The following ZNF208 variants were observed in gnomAD, a reference collection of about 807,000 sequenced individuals.
The protein encoded by ZNF208 is zinc finger protein 95.
A neutral mutation model predicts 12.1 loss-of-function variants in ZNF208; 10 were observed. That is an observed-to-expected ratio of 0.83 (90% CI 0.51 to 1.40). The LOEUF (loss-of-function observed/expected upper bound fraction) is 1.40, where lower values mean the gene tolerates loss of function less well. ZNF208 is among the 40% of genes most tolerant of loss of function. The pLI, the probability that ZNF208 is intolerant of heterozygous loss-of-function variation, is 0.00. For missense variants in ZNF208, 1,652 were observed against 1,485.0 expected (o/e 1.11, Z -1.85); for synonymous variants, 497 against 488.4 (o/e 1.02, Z -0.23).
intron 1 of ZNF208, among the ~76,000 whole-genome samples, chr19:21,994,019 T>C (rs1414191337): frequency 1.3e-5 from 2 of 152,242 alleles, no homozygotes; most frequent in Non-Finnish European, 2.9e-5. Context: ...TGTTCAATAA[T>C]TCCAAGGCTT....
At chr19:21,977,496 C>T (rs1291668395) in intron 3 of ZNF208, among the ~76,000 whole-genome samples, 1 of 152,118 alleles carries the variant, frequency 6.6e-6, no homozygotes, top group Admixed American at 6.5e-5. Context: ...CCTCTCCTAG[C>T]CAAGGTAAGG....
In ZNF208 at chr19:21,983,924, A is replaced by T. The variant is rs535166718; in HGVS notation, c.226+3292T>A. 3.3e-5 allele frequency among the ~76,000 whole-genome samples: 5 copies of T among 152,196 alleles called. No homozygotes were observed. In the South Asian group the frequency reaches 1.0e-3, roughly 32 times the overall value. The stretch of plus-strand genomic sequence containing the variant: ...AGATAACGAGTTGATGGGTGCAGCA[A>T]ACCCCCATGGCACGTGTATACCTAT... On this transcript the variant is annotated intron_variant, in intron 3 of 3. Transcript: ENST00000397126.
chr19:21,951,671 G>C (rs1969890403), intron 4 of ZNF208, among the ~76,000 whole-genome samples: 1 of 152,194 alleles, frequency 6.6e-6, no homozygotes, highest in Non-Finnish European at 1.5e-5. Context: ...GTAAAAATCG[G>C]AGATCCATTC....
chr19:21,974,349 A>G lies in ZNF208; in HGVS notation c.685T>C (p.Tyr229His). 2.5e-6 allele frequency: 4 copies of G among 1,613,694 alleles called. No homozygotes were observed. The highest frequency in any genetic ancestry group is 3.4e-6 in the Non-Finnish European group (4 of 1,179,766). The change falls in exon 4 of 4, where the codon TAC becomes CAC. Residue 229 changes from tyrosine (Y) to histidine (H), a missense_variant. Physicochemically the swap from Tyr to His is moderately conservative, Grantham distance 83. Around this residue, in one of 3 missense-constraint regions of ZNF208, gnomAD observed 410 missense variants for 378.2 expected, o/e 1.08. Transcript: ENST00000397126. The part of the protein sequence containing the change: ...YKSAHTGEKP[Y>H]RCKECGKAFS... ...GCTTTGCCACATTCTTTACATCTGT[A>G]GGGTTTCTCTCCAGTATGAGCACTC...
At position 21,997,200 on chromosome 19, in the gene ZNF208, A is replaced by T. The variant is rs1190133231; in HGVS notation, c.4-8291T>A. ...TCAATTTGCTCAAGAGATTGCAAAG[A>T]CAGAAAGACAGTGACCATAATTTGT... On this transcript the variant is annotated intron_variant, in intron 1 of 3. Transcript: ENST00000397126. 5.9e-5 allele frequency among the ~76,000 whole-genome samples: 9 copies of T among 152,228 alleles called. No individual in the cohort carries two copies. In the East Asian group the frequency reaches 1.7e-3, roughly 29 times the overall value.
At chr19:21,981,120 T>C (rs1970529720) in intron 3 of ZNF208, among the ~76,000 whole-genome samples, 1 of 152,112 alleles carries the variant, frequency 6.6e-6, no homozygotes, top group African/African-American at 2.4e-5. Flanking sequence ...ACAACCTTTG[T>C]ACCAGAGGTA....
intron 3 of ZNF208, among the ~76,000 whole-genome samples, chr19:21,977,911 A>G (rs1021074005): frequency 6.6e-6 from 1 of 152,124 alleles, no homozygotes; most frequent in Admixed American, 6.6e-5. Context: ...GGCGTCCGCC[A>G]TTGCTGAGGC....
intron 1 of ZNF208, among the ~76,000 whole-genome samples, chr19:21,989,905 C>T (rs964845006): frequency 4.6e-5 from 7 of 152,056 alleles, no homozygotes; most frequent in Admixed American, 1.3e-4. Flanking sequence ...CTGTTCATAT[C>T]CTTTGCCCAC....
Position 21,956,378 on chromosome 19 carries a change from C to T in ZNF208, c.305+18351G>A, listed in dbSNP as rs192947762. Among the ~76,000 whole-genome samples, 7 of 152,334 alleles carry T rather than the reference C, an allele frequency of 4.6e-5. No homozygotes were observed. The East Asian group carries it at 1.2e-3, about 25-fold the overall frequency. ...TCTCTTCAAAGCTGTCAGACAGGGA[C>T]ATTTAAGTCTGCAGAAGTTTCTGCT... On this transcript the variant is annotated intron_variant, in intron 4 of 4. Transcript: ENST00000599916.
chr19:21,974,541 T>C lies in ZNF208; in HGVS notation c.493A>G (p.Ile165Val), dbSNP rs1485995611. The C allele has an allele frequency of 1.2e-6, 2 of 1,613,530 alleles. No homozygotes were observed. The highest frequency in any genetic ancestry group is 3.3e-5 in the Admixed American group (2 of 59,954). Residue 165 changes from isoleucine (I) to valine (V), a missense_variant, in exon 4 of 4, where the codon ATA (isoleucine) becomes GTA (valine). Coordinates refer to ENST00000397126, the MANE Select transcript of ZNF208 (RefSeq NM_007153.3). ...HKCSNSNRHK[I>V]RHTGKKHLQC... Reference sequence around the variant, plus strand: ...AAATGTTTCTTTCCAGTATGCCTTATCTTATGTCTGTTTGAATTTGAACAT... The same window carrying C: ...AAATGTTTCTTTCCAGTATGCCTTACCTTATGTCTGTTTGAATTTGAACAT...
chr19:21,955,136 C>T (rs1019745440), intron 4 of ZNF208, among the ~76,000 whole-genome samples: 5 of 152,194 alleles, frequency 3.3e-5, no homozygotes, highest in Admixed American at 3.3e-4. Flanking sequence ...AAACCCTTTT[C>T]TTTAAGAATG....
chr19:21,973,377 A>G lies in ZNF208; in HGVS notation c.1657T>C (p.Tyr553His). ...GCTTTGCCACATTCTTCACATTTGTAGGGTTTCTCTCCAGTATGAATTACC... is the reference window on the plus strand; with the variant it reads ...GCTTTGCCACATTCTTCACATTTGTGGGGTTTCTCTCCAGTATGAATTACC... ...HKVIHTGEKP[Y>H]KCEECGKAYK... is the part of the protein sequence containing the mutation. Residue 553 changes from tyrosine (Y) to histidine (H), a missense_variant, in exon 4 of 4, where the codon TAC (tyrosine) becomes CAC (histidine). This residue lies in a region of ZNF208 where 1,239 missense variants were observed against 1,086.2 expected (regional missense o/e 1.14). Coordinates refer to ENST00000397126, the MANE Select transcript of ZNF208 (RefSeq NM_007153.3). 6.2e-7 allele frequency: 1 copy of G among 1,611,716 alleles called. No homozygotes were observed. Among genetic ancestry groups the G allele is most frequent in the African/African-American group, 1.3e-5 (1 of 74,970 alleles).
chr19:21,963,361 C>T (rs118029336), downstream of ZNF208, among the ~76,000 whole-genome samples: 54 of 152,096 alleles, frequency 3.6e-4, no homozygotes, highest in Non-Finnish European at 7.1e-4. Context: ...TATAAATAAA[C>T]AATCTTTTAC....
Position 21,975,155 on chromosome 19 carries a change from T to TTTTTG in ZNF208, c.227-353_227-349dup, listed in dbSNP as rs377725090. The stretch of plus-strand genomic sequence containing the variant: ...TAAATTGTCAACTTCTGTTTGTGTT[T>TTTTTG]TTTTGTTTTGTTTTGTTTTGTTCTG... On this transcript the variant is annotated intron_variant, in intron 3 of 3. Transcript: ENST00000397126. Among the ~76,000 whole-genome samples, 370 of 152,324 alleles carry TTTTTG rather than the reference T, an allele frequency of 2.4e-3. 1 individual carries two copies. Among genetic ancestry groups the TTTTTG allele is most frequent in the African/African-American group, 8.0e-3 (333 of 41,576 alleles).
intron 1 of ZNF208, among the ~76,000 whole-genome samples, chr19:21,989,512 T>C (rs1970691181): frequency 6.6e-6 from 1 of 152,088 alleles, no homozygotes; most frequent in Admixed American, 6.6e-5. Context: ...TTCCAAGTCT[T>C]TGCTATTGTG....
intron 4 of ZNF208, among the ~76,000 whole-genome samples, chr19:21,958,286 C>A (rs560103235): frequency 6.6e-6 from 1 of 152,138 alleles, no homozygotes; most frequent in South Asian, 2.1e-4. Context: ...TTAAACCTAC[C>A]CGGCTTATTC....
At chr19:21,982,344 C>T (rs1397025027) in intron 3 of ZNF208, among the ~76,000 whole-genome samples, 19 of 119,208 alleles carry the variant, frequency 1.6e-4, no homozygotes, top group Admixed American at 1.3e-3. Context: ...GGTGATAGAG[C>T]GAGACTCCAT....
intron 4 of ZNF208, chr19:21,940,164 ATT>A (rs34620362): frequency 4.5e-4 from 68 of 151,884 alleles, no homozygotes; most frequent in African/African-American, 1.6e-3. Context: ...AAAGAGCAAT[ATT>A]TTTTTTCTCC....
At chr19:22,001,774 T>A (rs1970951249) in intron 1 of ZNF208, among the ~76,000 whole-genome samples, 1 of 150,838 alleles carries the variant, frequency 6.6e-6, no homozygotes, top group Non-Finnish European at 1.5e-5. Context: ...ACACCTGTAA[T>A]CCCAGCTACT....
Sources: gnomAD v4.1 joint callset for allele counts (sites outside exome capture counted in the v4.1 genomes callset) on GRCh38, gnomAD v4.1.1 for gene constraint, gnomAD v4.1.1 regional missense constraint, MANE v1.5 for transcripts, NCBI Gene and HGNC (gene_info 2026-07-23, HGNC 2026-07-21) for gene names.